Variants in TMEM117 observed in about 807,000 individuals in gnomAD.
The protein encoded by TMEM117 is transmembrane protein 117.
A neutral mutation model predicts 52.4 loss-of-function variants in TMEM117; 27 were observed. The observed-to-expected ratio is 0.51, with a 90% CI of 0.38 to 0.71. The LOEUF (loss-of-function observed/expected upper bound fraction) is 0.71, where lower values mean the gene tolerates loss of function less well. Among genes scored for constraint, TMEM117 ranks in the 30% least tolerant of loss-of-function variants. The probability of loss-of-function intolerance (pLI) is 0.00; values close to 1 mark genes in which losing one functional copy is unlikely to be tolerated. For missense variants in TMEM117, 556 were observed against 630.5 expected, an observed-to-expected ratio of 0.88 and a Z score of 1.26; for synonymous variants, 215 against 206.3, an observed-to-expected ratio of 1.04 and a Z score of -0.36.
chr12:44,041,192 C>T, intron 3 of TMEM117, among the ~76,000 whole-genome samples: 1 of 151,112 alleles, frequency 6.6e-6, no homozygotes, highest in Admixed American at 6.6e-5. Flanking sequence ...GTGCTGCACC[C>T]ATTAACTCGT....
intron 3 of TMEM117, among the ~76,000 whole-genome samples, chr12:44,000,207 G>A (rs770899625): frequency 6.6e-6 from 1 of 152,204 alleles, no homozygotes; most frequent in African/African-American, 2.4e-5. Context: ...TTCAGGGAAG[G>A]AGAAAGTGGT....
At chr12:43,805,877 A>G in the TMEM117 span, 1 of 1,443,254 alleles carries the variant, frequency 6.9e-7, no homozygotes, top group Non-Finnish European at 9.3e-7. Context: ...CCACTGTCCC[A>G]GCTCTTCCCT....
chr12:44,211,220 T>G, intron 4 of TMEM117, 70 bp from the exon 5 acceptor site: 1 of 1,022,746 alleles, frequency 9.8e-7, no homozygotes, highest in Non-Finnish European at 1.5e-6. Flanking sequence ...GAATGTAAAT[T>G]ATAGGCTTAT....
chr12:44,332,203 A>G (rs187338075), intron 6 of TMEM117, among the ~76,000 whole-genome samples: 145 of 152,186 alleles, frequency 9.5e-4, no homozygotes, highest in African/African-American at 3.2e-3. Flanking sequence ...TATCTATAAA[A>G]TGGGGGTAAT....
chr12:44,076,359 A>T (rs540708347), intron 3 of TMEM117, among the ~76,000 whole-genome samples: 180 of 152,300 alleles, frequency 1.2e-3, no homozygotes, highest in South Asian at 7.2e-3. Flanking sequence ...GAAGAATTGG[A>T]TTTCAATGAC....
intron 4 of TMEM117, among the ~76,000 whole-genome samples, chr12:44,191,385 G>GTCTA (rs553589317): frequency 2.6e-5 from 4 of 151,276 alleles, no homozygotes; most frequent in African/African-American, 7.3e-5. Flanking sequence ...CTGTCTGTCT[G>GTCTA]TCTATCTATG....
intron 5 of TMEM117, among the ~76,000 whole-genome samples, chr12:44,276,252 A>G (rs1950509848): frequency 1.3e-5 from 2 of 152,184 alleles, no homozygotes; most frequent in Admixed American, 6.5e-5. Flanking sequence ...TTAAGTATCC[A>G]TCAGTGGATG....
At chr12:44,390,675 G>T (rs917463014), downstream of TMEM117, among the ~76,000 whole-genome samples, 1 of 152,008 alleles carries the variant, frequency 6.6e-6, no homozygotes, top group South Asian at 2.1e-4. Context: ...CATAAATTTA[G>T]TAACAAATGG....
chr12:44,363,203 C>T (rs1478145598), intron 6 of TMEM117, among the ~76,000 whole-genome samples: 1 of 152,158 alleles, frequency 6.6e-6, no homozygotes, highest in East Asian at 1.9e-4. Context: ...CAGGTGCCTT[C>T]TGTGAGCCAC....
intron 5 of TMEM117, among the ~76,000 whole-genome samples, chr12:44,218,491 G>A (rs1233695559): frequency 6.6e-6 from 1 of 152,060 alleles, no homozygotes; most frequent in Non-Finnish European, 1.5e-5. Flanking sequence ...CCCTCAACAC[G>A]ATAAAGGTCA....
At position 44,266,347 on chromosome 12, in the gene TMEM117, C is replaced by A. The variant is rs190880804; in HGVS notation, c.609-33233C>A. On this transcript the variant is annotated intron_variant, in intron 5 of 7. Coordinates refer to ENST00000266534, the MANE Select transcript of TMEM117 (RefSeq NM_032256.3). ...TCCTAGTGGATGTGAACTGCTATCT[C>A]ATTTTGATTTGCATTTTCCTAATGA... Among the ~76,000 whole-genome samples the A allele has an allele frequency of 9.9e-5, 15 of 152,190 alleles. No homozygotes were observed. In the East Asian group the frequency reaches 2.9e-3, roughly 29 times the overall value.
At chr12:44,198,576 G>C (rs1338510576) in intron 4 of TMEM117, among the ~76,000 whole-genome samples, 1 of 152,096 alleles carries the variant, frequency 6.6e-6, no homozygotes, top group Admixed American at 6.6e-5. Context: ...TTCAGATGTT[G>C]GGACCAGTGA....
chr12:44,173,762 T>C (rs1297229252), intron 4 of TMEM117, among the ~76,000 whole-genome samples: 3 of 152,094 alleles, frequency 2.0e-5, no homozygotes, highest in Admixed American at 6.5e-5. Flanking sequence ...TTAGTTTTTT[T>C]CTTTGAAATA....
chr12:43,809,741 A>G, the TMEM117 span, among the ~76,000 whole-genome samples: 1 of 152,228 alleles, frequency 6.6e-6, no homozygotes, highest in Non-Finnish European at 1.5e-5. Flanking sequence ...GCATTAAATA[A>G]GAAAAGTAAC....
chr12:44,257,771 G>A (rs557386217), intron 5 of TMEM117, among the ~76,000 whole-genome samples: 11 of 151,954 alleles, frequency 7.2e-5, no homozygotes, highest in Non-Finnish European at 1.3e-4. Context: ...TTTCCTCTCC[G>A]AACAAAAATA....
intron 4 of TMEM117, among the ~76,000 whole-genome samples, chr12:44,184,178 T>G (rs550978953): frequency 6.6e-6 from 1 of 152,160 alleles, no homozygotes; most frequent in East Asian, 1.9e-4. Flanking sequence ...AAATCCCGTC[T>G]CTACTAAAAA....
intron 2 of TMEM117, among the ~76,000 whole-genome samples, chr12:43,859,956 A>T (rs574592120): frequency 6.6e-6 from 1 of 152,352 alleles, no homozygotes; most frequent in South Asian, 2.1e-4. Flanking sequence ...ACACTAGAAG[A>T]GACTTTAAGA....
At chr12:44,351,325 A>T (rs1951559190) in intron 6 of TMEM117, among the ~76,000 whole-genome samples, 1 of 151,828 alleles carries the variant, frequency 6.6e-6, no homozygotes, top group African/African-American at 2.4e-5. Context: ...CACTTTGTTG[A>T]TTATTCCCTT....
At chr12:44,023,277 A>G (rs139171762) in intron 3 of TMEM117, among the ~76,000 whole-genome samples, 27 of 152,338 alleles carry the variant, frequency 1.8e-4, no homozygotes, top group African/African-American at 5.0e-4. Context: ...TAGTGCCGCA[A>G]TAAACATACG....
Sources: gnomAD v4.1 joint callset for allele counts (sites outside exome capture counted in the v4.1 genomes callset) on GRCh38, gnomAD v4.1.1 for gene constraint, MANE v1.5 for transcripts, NCBI Gene and HGNC (gene_info 2026-07-23, HGNC 2026-07-21) for gene names.